The following APOLD1 variants were observed in gnomAD, a reference collection of about 807,000 sequenced individuals.
APOLD1 encodes apolipoprotein L domain containing 1.
In APOLD1, 22 loss-of-function variants were observed where a neutral mutation model predicts 15.3. The observed-to-expected ratio is 1.44, with a 90% CI of 1.03 to 2.05. The LOEUF (loss-of-function observed/expected upper bound fraction) is 2.05. Among genes scored for constraint, APOLD1 ranks in the 30% most tolerant of loss-of-function variants. APOLD1 has a pLI of 0.00. For missense variants in APOLD1, 394 were observed against 353.5 expected (o/e 1.11, Z -0.92); for synonymous variants, 190 against 167.4 (o/e 1.13, Z -1.04).
intron 1 of APOLD1, among the ~76,000 whole-genome samples, chr12:12,731,024 C>G (rs1178198516): frequency 6.6e-6 from 1 of 152,040 alleles, no homozygotes; most frequent in African/African-American, 2.4e-5. Context: ...GCCTGTAGTC[C>G]CAGCTACTCG....
chr12:12,768,418 A>T (rs1253247229), intron 1 of APOLD1, among the ~76,000 whole-genome samples: 3 of 152,078 alleles, frequency 2.0e-5, no homozygotes, highest in Non-Finnish European at 4.4e-5. Flanking sequence ...AGATCATTTG[A>T]GTCCAGGAGT....
At position 12,787,205 on chromosome 12, in the gene APOLD1, C is replaced by G. The variant is rs780533262; in HGVS notation, c.300C>G (p.Ala100=). The part of the protein sequence containing the change: ...VGLGVATAGG[A]VTITSDLSLI... ...TGGGGGTGGCCACAGCCGGAGGGGC[C>G]GTCACCATCACGTCCGATCTCTCGC... The change falls in exon 2 of 2, where the codon GCC becomes GCG. Residue 100 remains alanine, a synonymous_variant. Coordinates refer to ENST00000356591, the MANE Select transcript of APOLD1 (RefSeq NM_030817.3). The surrounding 1 kb of genome is among the most constrained non-coding windows in gnomAD (Gnocchi z 4.9). 3 of 1,552,548 alleles carry G rather than the reference C, an allele frequency of 1.9e-6. No homozygotes were observed. The African/African-American group carries it at 4.1e-5, about 21-fold the overall frequency.
chr12:12,732,739 A>G (rs1188817923), intron 1 of APOLD1, among the ~76,000 whole-genome samples: 4 of 151,802 alleles, frequency 2.6e-5, no homozygotes, highest in Non-Finnish European at 5.9e-5. Context: ...CAAAAAAAAA[A>G]AAAAAAGAAA....
At chr12:12,739,620 C>T (rs1024825951) in intron 1 of APOLD1, among the ~76,000 whole-genome samples, 1 of 152,092 alleles carries the variant, frequency 6.6e-6, no homozygotes, top group African/African-American at 2.4e-5. Context: ...CTTTAATGTT[C>T]ATATAATCAC....
At chr12:12,728,263 A>G (rs1946609822) in intron 1 of APOLD1, among the ~76,000 whole-genome samples, 2 of 152,128 alleles carry the variant, frequency 1.3e-5, no homozygotes, top group East Asian at 1.9e-4. Flanking sequence ...CACTGAGCCC[A>G]GCCTGTTTAA....
At chr12:12,758,158 C>G (rs1296693138) in intron 1 of APOLD1, among the ~76,000 whole-genome samples, 1 of 149,738 alleles carries the variant, frequency 6.7e-6, no homozygotes, top group African/African-American at 2.5e-5. Flanking sequence ...GGATGTTCTC[C>G]ATCTCCTGAC....
At chr12:12,727,863 G>A (rs1946605435) in intron 1 of APOLD1, among the ~76,000 whole-genome samples, 1 of 151,618 alleles carries the variant, frequency 6.6e-6, no homozygotes, top group African/African-American at 2.4e-5. Flanking sequence ...GCCTCCCAAA[G>A]TGCTGAGATG....
intron 1 of APOLD1, among the ~76,000 whole-genome samples, chr12:12,756,509 A>G (rs978902921): frequency 1.3e-5 from 2 of 152,010 alleles, no homozygotes; most frequent in Non-Finnish European, 1.5e-5. Flanking sequence ...GATTTTTTGT[A>G]TTTTAAAAAA....
chr12:12,761,075 A>G (rs1565432582), intron 1 of APOLD1, among the ~76,000 whole-genome samples: 1 of 152,250 alleles, frequency 6.6e-6, no homozygotes, highest in Non-Finnish European at 1.5e-5. Flanking sequence ...CCTGAATAGA[A>G]GTTATATATT....
intron 1 of APOLD1, among the ~76,000 whole-genome samples, chr12:12,770,378 C>G (rs1946977645): frequency 6.6e-6 from 1 of 152,146 alleles, no homozygotes; most frequent in African/African-American, 2.4e-5. Context: ...GCACTACAGC[C>G]TGGGTGACAG....
chr12:12,736,380 A>G (rs1946686334), intron 1 of APOLD1, among the ~76,000 whole-genome samples: 1 of 150,132 alleles, frequency 6.7e-6, no homozygotes, highest in African/African-American at 2.5e-5. Flanking sequence ...CAAAAAAACT[A>G]GCTGGGCATG....
At chr12:12,735,518 G>A (rs1378193779) in intron 1 of APOLD1, among the ~76,000 whole-genome samples, 1 of 152,124 alleles carries the variant, frequency 6.6e-6, no homozygotes, top group African/African-American at 2.4e-5. Context: ...CTTGTGGCTG[G>A]GGGGCAGTGA....
chr12:12,762,734 C>T (rs561358903), intron 1 of APOLD1, among the ~76,000 whole-genome samples: 11 of 152,206 alleles, frequency 7.2e-5, no homozygotes, highest in Admixed American at 3.9e-4. Flanking sequence ...TGAACCCACT[C>T]GGAAACATTT....
chr12:12,780,180 A>C (rs1232224218), intron 1 of APOLD1, among the ~76,000 whole-genome samples: 1 of 152,056 alleles, frequency 6.6e-6, no homozygotes, highest in Non-Finnish European at 1.5e-5. Flanking sequence ...GAGCACTTAC[A>C]TTCTGGGGAA....
At chr12:12,773,684 C>T (rs756078412) in intron 1 of APOLD1, among the ~76,000 whole-genome samples, 1 of 152,178 alleles carries the variant, frequency 6.6e-6, no homozygotes, top group Non-Finnish European at 1.5e-5. Flanking sequence ...CTCTTCCCGA[C>T]TTAATACTTC....
At chr12:12,769,227 TAAAAAA>T (rs35276279) in intron 1 of APOLD1, among the ~76,000 whole-genome samples, 121 of 61,774 alleles carry the variant, frequency 2.0e-3, no homozygotes, top group African/African-American at 6.8e-3. Flanking sequence ...GACCTCCAGC[TAAAAAA>T]AAAAAAAAAA....
rs779176543 is a variant in APOLD1, at chr12:12,728,690, A to AAAAAG, written c.96+2595_96+2596insAAAGA. 4.5e-3 allele frequency among the ~76,000 whole-genome samples: 629 copies of AAAAAG among 139,114 alleles called. 5 individuals are homozygous for AAAAAG. Among genetic ancestry groups the AAAAAG allele is most frequent in the Non-Finnish European group, 6.6e-3 (409 of 62,414 alleles). The allele number at this position is 139,114 out of a possible 152,430, so 91.3% of individuals were successfully genotyped here. A position where few individuals can be genotyped will look rare whatever the true frequency, so the allele number is the denominator to read the frequency against. ...CAAAAAAAAAAAAAAAAAAAAAAAA[A>AAAAAG]AGAGAGAGAAAGAAAAGAAAGAAAG... On this transcript the variant is annotated intron_variant, in intron 1 of 1. Coordinates refer to the APOLD1 transcript ENST00000326765.
intron 1 of APOLD1, among the ~76,000 whole-genome samples, chr12:12,750,540 A>G (rs17314077): frequency 0.011 from 1,657 of 152,142 alleles, 12 homozygotes; most frequent in Non-Finnish European, 0.018. Flanking sequence ...TTGGACATTA[A>G]TTTCTCCCTA....
intron 1 of APOLD1, among the ~76,000 whole-genome samples, chr12:12,773,432 G>A (rs1947003330): frequency 6.6e-6 from 1 of 152,140 alleles, no homozygotes; most frequent in Non-Finnish European, 1.5e-5. Flanking sequence ...GCATGATGGT[G>A]TATGCCTGTA....
Sources: allele counts gnomAD v4.1 joint callset (sites outside exome capture counted in the v4.1 genomes callset), GRCh38; gene constraint gnomAD v4.1.1; non-coding constraint Gnocchi (gnomAD v3.1); transcripts MANE v1.5; gene names NCBI Gene and HGNC (gene_info 2026-07-23, HGNC 2026-07-21).